The following UBE3A variants were observed in gnomAD, a reference collection of about 807,000 sequenced individuals.
UBE3A encodes ubiquitin-protein ligase E3A.
A neutral mutation model predicts 83.4 loss-of-function variants in UBE3A; 6 were observed. The ratio of observed to expected loss-of-function variants is 0.07; its 90% confidence interval spans 0.04 to 0.14. The LOEUF (loss-of-function observed/expected upper bound fraction) is 0.14. Among genes scored for constraint, UBE3A ranks in the 10% least tolerant of loss-of-function variants. The pLI is 1.00. For synonymous variants in UBE3A, 337 were observed against 355.4 expected (o/e 0.95, Z 0.58); for missense variants, 456 against 1,036.1 (o/e 0.44, Z 7.69).
intron 4 of UBE3A, among the ~76,000 whole-genome samples, chr15:25,400,665 T>C (rs1450443634): frequency 6.6e-6 from 1 of 152,204 alleles, no homozygotes; most frequent in African/African-American, 2.4e-5. Context: ...ATTTTATATC[T>C]TACAACTTTA....
At chr15:25,350,299 TAAAA>T (rs34610959) in intron 11 of UBE3A, among the ~76,000 whole-genome samples, 1 of 143,024 alleles carries the variant, frequency 7.0e-6, no homozygotes, top group Non-Finnish European at 1.5e-5. Context: ...TTTGTCTCTT[TAAAA>T]AAAAAAAAAC....
intron 1 of UBE3A, chr15:25,438,137 C>G (rs1895710573): frequency 6.6e-6 from 1 of 152,280 alleles, no homozygotes. Context: ...AAGGAAAGGG[C>G]CTGCCCTTCC....
rs1250049630 is a variant in UBE3A, at chr15:25,370,027, T to C, written c.1608+539A>G. 6.6e-6 allele frequency among the ~76,000 whole-genome samples: 1 copy of C among 152,138 alleles called. No homozygotes were observed. Among genetic ancestry groups the C allele is most frequent in the African/African-American group, 2.4e-5 (1 of 41,420 alleles). On this transcript the variant is annotated intron_variant, in intron 6 of 12. Transcript: ENST00000648336. The surrounding 1 kb of genome is among the most constrained non-coding windows in gnomAD (Gnocchi z 4.2). ...AAACTACCACAGCCAGGCAGTGCCG[T>C]CCACACAGGGATATTCTAAGTGGCC...
chr15:25,376,063 AGT>A (rs973953147), intron 4 of UBE3A, among the ~76,000 whole-genome samples: 7 of 152,178 alleles, frequency 4.6e-5, no homozygotes, highest in African/African-American at 1.7e-4. Flanking sequence ...TATGTGCTTA[AGT>A]TGTTTAGTAC....
chr15:25,343,702 A>C (rs1265873778), intron 11 of UBE3A, among the ~76,000 whole-genome samples: 2 of 152,212 alleles, frequency 1.3e-5, no homozygotes, highest in East Asian at 3.9e-4. Flanking sequence ...TTAAAAGACA[A>C]ATGACAAACT....
intron 11 of UBE3A, among the ~76,000 whole-genome samples, chr15:25,347,830 C>T (rs2075927972): frequency 6.6e-6 from 1 of 151,842 alleles, no homozygotes; most frequent in Non-Finnish European, 1.5e-5. Context: ...AAGACAGAAA[C>T]AGAAAACAAA....
At chr15:25,398,167 C>CAAAAAAAAAAAAAAAAAA (rs71127052) in intron 4 of UBE3A, among the ~76,000 whole-genome samples, 1 of 99,210 alleles carries the variant, frequency 1.0e-5, no homozygotes, top group Non-Finnish European at 1.8e-5. Context: ...GACTCTGTCT[C>CAAAAAAAAAAAAAAAAAA]AAAAAAAAAA....
At chr15:25,365,508 G>A (rs1297913518) in intron 6 of UBE3A, among the ~76,000 whole-genome samples, 3 of 152,118 alleles carry the variant, frequency 2.0e-5, no homozygotes, top group African/African-American at 7.2e-5. Flanking sequence ...CGGCACTCTG[G>A]GAGGCCGAGG....
chr15:25,384,459 CAAA>C (rs1306982756), intron 4 of UBE3A, among the ~76,000 whole-genome samples: 11 of 70,162 alleles, frequency 1.6e-4, no homozygotes, highest in East Asian at 4.6e-4. Context: ...GACTCTGTCT[CAAA>C]AAAAAAAAAA....
Position 25,339,123 on chromosome 15 carries a change from TG to T in UBE3A, c.*13del. The T allele has an allele frequency of 6.6e-7, 1 of 1,510,740 alleles. No individual in the cohort carries two copies. The highest frequency in any genetic ancestry group is 8.8e-7 in the Non-Finnish European group (1 of 1,131,970). The allele number at this position is 1,510,740 out of a possible 1,614,324, so 93.6% of individuals were successfully genotyped here. ...TTCCTTCCTTTTTTTTGTTTTATTT[TG>T]TTTTGTTTTGTTTTACAGCATGCCA... On this transcript the variant is annotated 3_prime_UTR_variant, in exon 13 of 13. Transcript: ENST00000648336.
intron 11 of UBE3A, among the ~76,000 whole-genome samples, chr15:25,349,074 GACAAA>G (rs373996358): frequency 1.5e-3 from 233 of 152,258 alleles, no homozygotes; most frequent in Non-Finnish European, 2.4e-3. Context: ...TTGGCAAAAG[GACAAA>G]ACAAATTAAT....
chr15:25,391,395 TG>T (rs1237302009), intron 4 of UBE3A, among the ~76,000 whole-genome samples: 1 of 152,208 alleles, frequency 6.6e-6, no homozygotes, highest in Non-Finnish European at 1.5e-5. Context: ...TTTTACAAGA[TG>T]AAAAAGTTCT....
chr15:25,367,329 A>T (rs1035462761), intron 6 of UBE3A, among the ~76,000 whole-genome samples: 4 of 141,414 alleles, frequency 2.8e-5, no homozygotes, highest in Non-Finnish European at 5.9e-5. Flanking sequence ...ATTTATATTA[A>T]AAATGTAAAT....
chr15:25,367,297 T>C (rs1221753945), intron 6 of UBE3A, among the ~76,000 whole-genome samples: 2 of 141,692 alleles, frequency 1.4e-5, no homozygotes, highest in African/African-American at 5.2e-5. Flanking sequence ...TAAATTAATT[T>C]ACATATTAAA....
intron 4 of UBE3A, among the ~76,000 whole-genome samples, chr15:25,380,309 A>G (rs955315992): frequency 1.3e-5 from 2 of 152,042 alleles, no homozygotes; most frequent in African/African-American, 4.8e-5. Context: ...AATATACTAT[A>G]TAGTTTATGG....
rs939581447 is a variant in UBE3A at position 25,334,992 on chromosome 15, GTTTT to G, written c.*4141_*4144del. Reference sequence around the variant, plus strand: ...TAACATGTGAAAGGCAAAATGGTTTGTTTTTTTTTTTAAAAATGACAGTCTCTAT... The same window carrying G: ...TAACATGTGAAAGGCAAAATGGTTTGTTTTTTTAAAAATGACAGTCTCTAT... On this transcript the variant is annotated 3_prime_UTR_variant, in exon 13 of 13. Coordinates refer to ENST00000648336, the MANE Select transcript of UBE3A (RefSeq NM_130839.5). The G allele has an allele frequency of 1.1e-4, 15 of 141,268 alleles. No individual in the cohort carries two copies. Among genetic ancestry groups the G allele is most frequent in the African/African-American group, 3.3e-4 (12 of 36,220 alleles). 8.8% of individuals were successfully genotyped at this position (141,268 alleles called of 1,614,324 possible).
intron 6 of UBE3A, among the ~76,000 whole-genome samples, chr15:25,367,302 A>G (rs1566942844): frequency 7.0e-6 from 1 of 143,530 alleles, no homozygotes; most frequent in East Asian, 2.0e-4. Context: ...TAATTTACAT[A>G]TTAAATTAAA....
At chr15:25,351,186 CATATTT>C (rs2076440885) in intron 11 of UBE3A, among the ~76,000 whole-genome samples, 1 of 151,952 alleles carries the variant, frequency 6.6e-6, no homozygotes, top group African/African-American at 2.4e-5. Flanking sequence ...ATGATATGTA[CATATTT>C]ATATACATGT....
intron 11 of UBE3A, among the ~76,000 whole-genome samples, chr15:25,350,410 A>G (rs975921430): frequency 1.3e-5 from 2 of 152,130 alleles, no homozygotes; most frequent in Non-Finnish European, 2.9e-5. Context: ...TACTTAATAA[A>G]TATTTTTGGA....
Sources: gnomAD v4.1 joint callset for allele counts (sites outside exome capture counted in the v4.1 genomes callset) on GRCh38, gnomAD v4.1.1 for gene constraint, Gnocchi (gnomAD v3.1) non-coding constraint, MANE v1.5 for transcripts, NCBI Gene and HGNC (gene_info 2026-07-23, HGNC 2026-07-21) for gene names.